The following DTWD2 variants were observed in gnomAD, a reference collection of about 807,000 sequenced individuals.
DTWD2 encodes the protein tRNA-uridine aminocarboxypropyltransferase 2.
DTWD2 carries 39 observed loss-of-function variants against 31.8 expected under a neutral mutation model. That is an observed-to-expected ratio of 1.22 (90% CI 0.95 to 1.60). The LOEUF is 1.60. Ranked by LOEUF, DTWD2 falls within the 40% of genes most tolerant of loss-of-function variation. The probability of loss-of-function intolerance (pLI) is 0.00; values close to 1 mark genes in which losing one functional copy is unlikely to be tolerated. For synonymous variants in DTWD2, 180 were observed against 142.8 expected, an observed-to-expected ratio of 1.26 and a Z score of -1.86; for missense variants, 515 against 381.5, an observed-to-expected ratio of 1.35 and a Z score of -2.92.
chr5:118,894,813 T>C (rs1469030598), intron 4 of DTWD2, among the ~76,000 whole-genome samples: 1 of 152,138 alleles, frequency 6.6e-6, no homozygotes, highest in Non-Finnish European at 1.5e-5. Flanking sequence ...TCAACATCCT[T>C]TCATGATAAA....
intron 4 of DTWD2, among the ~76,000 whole-genome samples, chr5:118,899,731 T>C (rs1753161994): frequency 6.6e-6 from 1 of 151,878 alleles, no homozygotes; most frequent in Admixed American, 6.6e-5. Context: ...TCCAAAACCA[T>C]AGTTCTGTCA....
chr5:118,871,568 C>G (rs1277765685), intron 4 of DTWD2, among the ~76,000 whole-genome samples: 1 of 152,190 alleles, frequency 6.6e-6, no homozygotes, highest in Non-Finnish European at 1.5e-5. Flanking sequence ...CTTTATACAT[C>G]TTCATCAGAT....
chr5:118,887,110 A>C (rs1752884349), intron 4 of DTWD2, among the ~76,000 whole-genome samples: 1 of 152,240 alleles, frequency 6.6e-6, no homozygotes, highest in Non-Finnish European at 1.5e-5. Flanking sequence ...GGGTGGCTAG[A>C]AACTATATGG....
intron 2 of DTWD2, among the ~76,000 whole-genome samples, chr5:118,941,375 G>A (rs1329561433): frequency 6.6e-6 from 1 of 152,052 alleles, no homozygotes; most frequent in East Asian, 1.9e-4. Flanking sequence ...CCCTTCCTGT[G>A]TCCAAGTGTT....
At chr5:118,886,636 G>A (rs913673040) in intron 4 of DTWD2, among the ~76,000 whole-genome samples, 6 of 152,064 alleles carry the variant, frequency 3.9e-5, no homozygotes, top group Non-Finnish European at 7.4e-5. Context: ...GAATTTAGGT[G>A]GCTAATGGAG....
intron 4 of DTWD2, among the ~76,000 whole-genome samples, chr5:118,923,532 G>A (rs1753748929): frequency 6.6e-6 from 1 of 152,204 alleles, no homozygotes; most frequent in Admixed American, 6.5e-5. Context: ...CACTGCGCAT[G>A]CGGGAAACCC....
intron 4 of DTWD2, among the ~76,000 whole-genome samples, chr5:118,857,300 G>A (rs555443474): frequency 3.3e-5 from 5 of 152,144 alleles, no homozygotes; most frequent in South Asian, 2.1e-4. Context: ...GTGTACATAC[G>A]TATACATACA....
chr5:118,882,931 C>G (rs983429520), intron 4 of DTWD2, among the ~76,000 whole-genome samples: 6 of 152,242 alleles, frequency 3.9e-5, no homozygotes, highest in African/African-American at 1.4e-4. Context: ...ATTTATGCAG[C>G]CAGCTTGAAT....
intron 1 of DTWD2, among the ~76,000 whole-genome samples, chr5:118,977,137 C>T (rs1755181403): frequency 2.0e-5 from 3 of 152,156 alleles, no homozygotes; most frequent in Admixed American, 2.0e-4. Flanking sequence ...AAATTCAACA[C>T]CCTTTCATGC....
At chr5:118,871,063 A>T (rs114125554) in intron 4 of DTWD2, among the ~76,000 whole-genome samples, 6,171 of 152,064 alleles carry the variant, frequency 0.041, 421 homozygotes, top group African/African-American at 0.14. Context: ...CATCTCAACA[A>T]TGTTCACAGC....
chr5:118,988,316 T>C lies in DTWD2; in HGVS notation c.196A>G (p.Arg66Gly). ...CACCTGCAGCGGGTGCACTCAGGCC[T>C]CCGCTCGGCCGGCTCCACCGGCAGC... ...WELPVEPAER[R>G]PECTRCSRPQ... Residue 66 changes from arginine to glycine, a missense_variant, in exon 1 of 6, where the codon AGG becomes GGG. Coordinates refer to ENST00000510708, the MANE Select transcript of DTWD2 (RefSeq NM_173666.4). The C allele has an allele frequency of 6.5e-7, 1 of 1,529,190 alleles. No individual in the cohort carries two copies. The highest frequency in any genetic ancestry group is 8.8e-7 in the Non-Finnish European group (1 of 1,142,626). The allele number at this position is 1,529,190 out of a possible 1,614,324, so 94.7% of individuals were successfully genotyped here.
At chr5:118,883,291 T>C (rs1184434651) in intron 4 of DTWD2, among the ~76,000 whole-genome samples, 1 of 152,182 alleles carries the variant, frequency 6.6e-6, no homozygotes, top group Non-Finnish European at 1.5e-5. Flanking sequence ...TCTATTTCAT[T>C]ACCAGCATTT....
chr5:118,893,834 C>G (rs973533600), intron 4 of DTWD2, among the ~76,000 whole-genome samples: 1 of 152,054 alleles, frequency 6.6e-6, no homozygotes, highest in Non-Finnish European at 1.5e-5. Context: ...CTGGACCCAG[C>G]AAGAAGACAG....
intron 4 of DTWD2, among the ~76,000 whole-genome samples, chr5:118,886,471 G>A (rs1160858376): frequency 1.3e-5 from 2 of 152,164 alleles, no homozygotes; most frequent in African/African-American, 4.8e-5. Flanking sequence ...ATCAAGTAGA[G>A]GAAATGCAGT....
rs1185589081 is a variant in DTWD2 at position 118,839,323 on chromosome 5, T to G, written c.*1594A>C. The G allele has an allele frequency of 6.6e-6, 1 of 152,088 alleles. No homozygotes were observed. Among genetic ancestry groups the G allele is most frequent in the African/African-American group, 2.4e-5 (1 of 41,412 alleles). 9.4% of individuals were successfully genotyped at this position (152,088 alleles called of 1,614,324 possible). Reference sequence around the variant, plus strand: ...AGTACACCAAATAATCATTTGATATTAAGTGCTTTACATTGTAAATGAGCT... The same window carrying G: ...AGTACACCAAATAATCATTTGATATGAAGTGCTTTACATTGTAAATGAGCT... On this transcript the variant is annotated 3_prime_UTR_variant, in exon 6 of 6. Transcript: ENST00000510708.
intron 2 of DTWD2, among the ~76,000 whole-genome samples, chr5:118,943,985 C>G: frequency 6.6e-6 from 1 of 152,158 alleles, no homozygotes; most frequent in Non-Finnish European, 1.5e-5. Flanking sequence ...AACTTCCTCC[C>G]CTCTTCATTA....
At chr5:118,910,751 T>C (rs1205160082) in intron 4 of DTWD2, among the ~76,000 whole-genome samples, 1 of 152,186 alleles carries the variant, frequency 6.6e-6, no homozygotes, top group African/African-American at 2.4e-5. Flanking sequence ...TTAGGCTGGG[T>C]AATTAAACAA....
chr5:118,923,509 A>G (rs1459903319), intron 4 of DTWD2, among the ~76,000 whole-genome samples: 1 of 152,172 alleles, frequency 6.6e-6, no homozygotes, highest in Non-Finnish European at 1.5e-5. Context: ...ATGAGCTCCA[A>G]GGGTAAGGGA....
Position 118,841,022 on chromosome 5 carries a change from G to A in DTWD2, c.792C>T (p.Leu264=). Residue 264 remains leucine, a synonymous_variant, in exon 6 of 6, where the codon CTC becomes CTT. Transcript: ENST00000510708. ...CATTTTTCAGAAGGTGTTCCTTGCTGAGGCGAATTTGGGCACCATGCTGAA... is the reference window on the plus strand; with the variant it reads ...CATTTTTCAGAAGGTGTTCCTTGCTAAGGCGAATTTGGGCACCATGCTGAA... The part of the protein sequence containing the change: ...FQLQHGAQIR[L]SKEHLLKNGL... The A allele has an allele frequency of 6.2e-7, 1 of 1,613,648 alleles. No homozygotes were observed. Among genetic ancestry groups the A allele is most frequent in the Non-Finnish European group, 8.5e-7 (1 of 1,179,744 alleles).
Sources: gnomAD v4.1 joint callset for allele counts (sites outside exome capture counted in the v4.1 genomes callset) on GRCh38, gnomAD v4.1.1 for gene constraint, MANE v1.5 for transcripts, NCBI Gene and HGNC (gene_info 2026-07-23, HGNC 2026-07-21) for gene names.